The following PRIM2 variants were observed in gnomAD, a reference collection of about 807,000 sequenced individuals.
PRIM2 encodes the protein DNA primase large subunit.
In PRIM2, 39 loss-of-function variants were observed where a neutral mutation model predicts 67.3. The ratio of observed to expected loss-of-function variants is 0.58; its 90% confidence interval spans 0.45 to 0.76. The LOEUF (loss-of-function observed/expected upper bound fraction) is 0.76. PRIM2 is among the 30% of genes least tolerant of loss of function. PRIM2 has a pLI of 0.00. For missense variants in PRIM2, 398 were observed against 598.7 expected (o/e 0.66, Z 3.50); for synonymous variants, 143 against 198.7 (o/e 0.72, Z 2.36).
chr6:57,399,712 G>A (rs935305598), intron 7 of PRIM2, among the ~76,000 whole-genome samples: 68 of 152,104 alleles, frequency 4.5e-4, no homozygotes, highest in African/African-American at 4.1e-4. Context: ...GTTGTTTCCT[G>A]ACTTTTTAAT....
chr6:57,607,767 C>T (rs1357327929), intron 12 of PRIM2, among the ~76,000 whole-genome samples: 1 of 152,104 alleles, frequency 6.6e-6, no homozygotes, highest in African/African-American at 2.4e-5. Context: ...GAAAACAATA[C>T]AAGTTCTTAA....
the PRIM2 span, among the ~76,000 whole-genome samples, chr6:57,234,465 A>G: frequency 6.6e-6 from 1 of 152,146 alleles, no homozygotes; most frequent in South Asian, 2.1e-4. Flanking sequence ...AGGATTATTA[A>G]TTTTATGGCT....
At chr6:57,468,668 C>A (rs1204537119) in intron 7 of PRIM2, among the ~76,000 whole-genome samples, 5 of 152,046 alleles carry the variant, frequency 3.3e-5, no homozygotes, top group African/African-American at 1.2e-4. Context: ...GTTTGGGGCC[C>A]CCGTTCTAAG....
chr6:57,463,272 G>A (rs4712161), intron 7 of PRIM2, among the ~76,000 whole-genome samples: 6 of 152,274 alleles, frequency 3.9e-5, no homozygotes, highest in African/African-American at 1.2e-4. Flanking sequence ...CAGGAGGATC[G>A]CTTGAGGCGA....
At chr6:57,521,393 T>A (rs1315599083) in intron 8 of PRIM2, among the ~76,000 whole-genome samples, 47 of 132,860 alleles carry the variant, frequency 3.5e-4, no homozygotes, top group South Asian at 7.0e-4. Context: ...TTTTTTTTTT[T>A]AACACCCTAA....
chr6:57,383,167 AG>A (rs1426845267), intron 7 of PRIM2: 1 of 152,136 alleles, frequency 6.6e-6, no homozygotes, highest in Admixed American at 6.5e-5. Flanking sequence ...TCACTACCCT[AG>A]ATTATATTCT....
intron 10 of PRIM2, among the ~76,000 whole-genome samples, chr6:57,589,544 A>G (rs1776251967): frequency 6.6e-6 from 1 of 152,140 alleles, no homozygotes; most frequent in Admixed American, 6.5e-5. Context: ...GACAGTGTGA[A>G]AGAGCCTCAG....
intron 7 of PRIM2, among the ~76,000 whole-genome samples, chr6:57,410,985 G>A (rs1240627998): frequency 2.0e-5 from 3 of 151,692 alleles, no homozygotes; most frequent in African/African-American, 7.3e-5. Flanking sequence ...CAAATCTCAT[G>A]TTGAAATATA....
the PRIM2 span, among the ~76,000 whole-genome samples, chr6:57,248,753 G>A: frequency 1.1e-4 from 16 of 152,196 alleles, no homozygotes; most frequent in African/African-American, 3.9e-4. Flanking sequence ...CTCGGAAAAA[G>A]GAGGGGCTGA....
intron 3 of PRIM2, among the ~76,000 whole-genome samples, chr6:57,323,492 G>C (rs1767731483): frequency 6.6e-6 from 1 of 152,094 alleles, no homozygotes; most frequent in South Asian, 2.1e-4. Flanking sequence ...GTCAAGATTA[G>C]TTTACTTCTC....
chr6:57,638,213 C>T (rs1207121717), intron 13 of PRIM2, among the ~76,000 whole-genome samples: 23 of 152,268 alleles, frequency 1.5e-4, no homozygotes, highest in South Asian at 4.1e-4. Flanking sequence ...GAGATTTTGT[C>T]ACCACTAGGC....
Position 57,582,783 on chromosome 6 carries a change from T to G in PRIM2, c.1021-18310T>G, listed in dbSNP as rs1269456206. 1.3e-4 allele frequency among the ~76,000 whole-genome samples: 4 copies of G among 31,658 alleles called. No homozygotes were observed. In the African/African-American group the frequency reaches 1.4e-3, roughly 11 times the overall value. The allele number at this position is 31,658 out of a possible 152,430, so 20.8% of individuals were successfully genotyped here. ...TTATAATTTTATAATATTTTCTTTA[T>G]TATTATTATTATTATTATTATACTT... is the stretch of plus-strand genomic sequence containing the variant. On this transcript the variant is annotated intron_variant, in intron 10 of 13. Coordinates refer to ENST00000615550, the MANE Select transcript of PRIM2 (RefSeq NM_000947.5).
chr6:57,311,498 G>A (rs1191675198), upstream of PRIM2, among the ~76,000 whole-genome samples: 13 of 147,836 alleles, frequency 8.8e-5, no homozygotes, highest in Non-Finnish European at 7.5e-5. Context: ...CGCTTCTCAC[G>A]TCCCAGACAA....
At chr6:57,645,664 G>A (rs1413758912) in intron 13 of PRIM2, among the ~76,000 whole-genome samples, 1 of 151,706 alleles carries the variant, frequency 6.6e-6, no homozygotes, top group African/African-American at 2.4e-5. Flanking sequence ...TGTTGGATAT[G>A]GGACTGAAAC....
At chr6:57,455,227 A>G (rs1362579911) in intron 7 of PRIM2, among the ~76,000 whole-genome samples, 2 of 152,164 alleles carry the variant, frequency 1.3e-5, no homozygotes, top group Non-Finnish European at 2.9e-5. Flanking sequence ...ATTTTGGAAT[A>G]AGTGAGGTGT....
At chr6:57,284,325 G>A in the PRIM2 span, among the ~76,000 whole-genome samples, 1 of 152,208 alleles carries the variant, frequency 6.6e-6, no homozygotes, top group African/African-American at 2.4e-5. Context: ...TTTAACTTTT[G>A]GCAGATGTGC....
intron 5 of PRIM2, among the ~76,000 whole-genome samples, chr6:57,331,392 C>G (rs1332668403): frequency 1.3e-5 from 2 of 151,932 alleles, no homozygotes; most frequent in Admixed American, 6.6e-5. Context: ...ATGTCTATAT[C>G]TGGTTTTGGT....
At chr6:57,339,186 C>T (rs926659279) in intron 5 of PRIM2, among the ~76,000 whole-genome samples, 18 of 152,238 alleles carry the variant, frequency 1.2e-4, no homozygotes, top group Admixed American at 6.5e-4. Flanking sequence ...CTACAAACCA[C>T]TGCTCAAGGA....
the PRIM2 span, among the ~76,000 whole-genome samples, chr6:57,301,168 T>C: frequency 2.2e-3 from 342 of 152,300 alleles, 4 homozygotes; most frequent in African/African-American, 7.9e-3. Flanking sequence ...TGAGCTCAAA[T>C]CATAGTCAAG....
Sources: gnomAD v4.1 joint callset for allele counts (sites outside exome capture counted in the v4.1 genomes callset) on GRCh38, gnomAD v4.1.1 for gene constraint, MANE v1.5 for transcripts, NCBI Gene and HGNC (gene_info 2026-07-23, HGNC 2026-07-21) for gene names.